PTPRG: variants seen among roughly 807,000 people sequenced by gnomAD.
The protein encoded by PTPRG is receptor-type tyrosine-protein phosphatase gamma.
A neutral mutation model predicts 165.3 loss-of-function variants in PTPRG; 102 were observed. The observed-to-expected ratio is 0.62, with a 90% confidence interval of 0.53 to 0.73. The LOEUF (loss-of-function observed/expected upper bound fraction) is 0.73. Among genes scored for constraint, PTPRG ranks in the 30% least tolerant of loss-of-function variants. The probability of loss-of-function intolerance (pLI) is 0.00; values close to 1 mark genes in which losing one functional copy is unlikely to be tolerated. For missense variants in PTPRG, 1,866 were observed against 1,861.4 expected (o/e 1.00, Z -0.05); for synonymous variants, 675 against 669.5 (o/e 1.01, Z -0.13).
At chr3:61,738,758 C>G (rs1345732122) in intron 1 of PTPRG, among the ~76,000 whole-genome samples, 1 of 151,196 alleles carries the variant, frequency 6.6e-6, no homozygotes, top group Non-Finnish European at 1.5e-5. Context: ...CAAGTTGTAA[C>G]TTAATGCTTA....
chr3:61,818,371 A>C (rs1474268323), intron 2 of PTPRG, among the ~76,000 whole-genome samples: 1 of 152,224 alleles, frequency 6.6e-6, no homozygotes, highest in African/African-American at 2.4e-5. Context: ...GGATTTGGGA[A>C]AGAAGTAGAA....
At chr3:61,916,387 T>G (rs2038935893) in intron 2 of PTPRG, among the ~76,000 whole-genome samples, 1 of 152,194 alleles carries the variant, frequency 6.6e-6, no homozygotes. Flanking sequence ...AAAATTCTAA[T>G]TTTCGTGTTA....
intron 4 of PTPRG, among the ~76,000 whole-genome samples, chr3:62,071,614 C>T (rs1701213387): frequency 6.6e-6 from 1 of 152,190 alleles, no homozygotes; most frequent in African/African-American, 2.4e-5. Flanking sequence ...TTCCTAAGTG[C>T]AGACTGTATC....
intron 2 of PTPRG, among the ~76,000 whole-genome samples, chr3:61,772,601 G>A (rs945320095): frequency 2.0e-5 from 3 of 151,492 alleles, no homozygotes; most frequent in Non-Finnish European, 4.4e-5. Flanking sequence ...TTTGCCTTTG[G>A]TGACATCATT....
In PTPRG at chr3:61,732,301, G is replaced by A. The variant is rs531758341; in HGVS notation, c.86-16577G>A. Reference sequence around the variant, plus strand: ...TTTGAAATCCTGTATTAGCAGGCCGGGCGCAGTGGCTCATGCCTGTAATCC... The same window carrying A: ...TTTGAAATCCTGTATTAGCAGGCCGAGCGCAGTGGCTCATGCCTGTAATCC... On this transcript the variant is annotated intron_variant, in intron 1 of 29. Transcript: ENST00000474889. Among the ~76,000 whole-genome samples, 7 of 152,212 alleles carry A rather than the reference G, an allele frequency of 4.6e-5. No homozygotes were observed. In the South Asian group the frequency reaches 6.2e-4, roughly 14 times the overall value.
chr3:61,751,130 G>C (rs1239309177), intron 2 of PTPRG: 2 of 152,204 alleles, frequency 1.3e-5, no homozygotes, highest in Non-Finnish European at 2.9e-5. Context: ...TCTATGGTTG[G>C]CTCATGCTGA....
chr3:61,940,539 GCT>G (rs1466142351), intron 2 of PTPRG, among the ~76,000 whole-genome samples: 1 of 151,982 alleles, frequency 6.6e-6, no homozygotes, highest in Non-Finnish European at 1.5e-5. Flanking sequence ...TTTGGCATGT[GCT>G]CTGTGTGTCT....
intron 5 of PTPRG, among the ~76,000 whole-genome samples, chr3:62,087,189 C>A (rs894209951): frequency 6.6e-6 from 1 of 152,138 alleles, no homozygotes; most frequent in Non-Finnish European, 1.5e-5. Context: ...CAGGCCTGAC[C>A]CTCTGAAAGG....
intron 1 of PTPRG, among the ~76,000 whole-genome samples, chr3:61,685,382 TAGGGATCTGACTACCTC>T (rs980105060): frequency 1.3e-5 from 2 of 152,180 alleles, no homozygotes; most frequent in African/African-American, 4.8e-5. Context: ...ATGGTCCCAA[TAGGGATCTGACTACCTC>T]AGGGATGCAG....
chr3:61,729,331 A>G (rs536395737), intron 1 of PTPRG, among the ~76,000 whole-genome samples: 10 of 152,278 alleles, frequency 6.6e-5, no homozygotes, highest in African/African-American at 2.4e-4. Flanking sequence ...GTAAAGTCTG[A>G]TTGTCCTGTG....
intron 2 of PTPRG, among the ~76,000 whole-genome samples, chr3:61,919,678 C>T (rs528065581): frequency 6.6e-6 from 1 of 152,208 alleles, no homozygotes; most frequent in South Asian, 2.1e-4. Flanking sequence ...GGAGGGTTTT[C>T]TGTTTCATGT....
At chr3:61,943,786 C>T (rs888347922) in intron 2 of PTPRG, among the ~76,000 whole-genome samples, 1 of 152,102 alleles carries the variant, frequency 6.6e-6, no homozygotes, top group East Asian at 1.9e-4. Context: ...TTTGAAAAAG[C>T]ATGAATGAAA....
rs71123255 is a variant in PTPRG, at chr3:62,192,393, CTTTTTTTTTTTTTTTTTT to C, written c.1218+756_1218+773del. ...ATAAAGCAAACTCCACAACTACTGT[CTTTTTTTTTTTTTTTTTT>C]TTTTTTTTTTTTTTTGAGACAGAGT... is the stretch of plus-strand genomic sequence containing the variant. On this transcript the variant is annotated intron_variant, in intron 9 of 29. Transcript: ENST00000474889. 4.4e-4 allele frequency among the ~76,000 whole-genome samples: 23 copies of C among 52,628 alleles called. No homozygotes were observed. The Admixed American group carries it at 4.9e-3, about 11-fold the overall frequency. 34.5% of individuals were successfully genotyped at this position (52,628 alleles called of 152,430 possible).
chr3:61,672,218 C>T (rs1462324081), intron 1 of PTPRG, among the ~76,000 whole-genome samples: 5 of 130,978 alleles, frequency 3.8e-5, no homozygotes, highest in African/African-American at 1.2e-4. Context: ...CGGGCAGAGA[C>T]GCTCCTCACT....
At chr3:62,136,917 C>T (rs1703730262) in intron 6 of PTPRG, among the ~76,000 whole-genome samples, 1 of 152,168 alleles carries the variant, frequency 6.6e-6, no homozygotes, top group African/African-American at 2.4e-5. Context: ...AACATTGCTT[C>T]TCTATTGCTT....
chr3:61,857,200 A>G (rs1372046989), intron 2 of PTPRG, among the ~76,000 whole-genome samples: 1 of 152,136 alleles, frequency 6.6e-6, no homozygotes, highest in African/African-American at 2.4e-5. Flanking sequence ...TAAAATCTTT[A>G]GAATTAAAAA....
intron 1 of PTPRG, among the ~76,000 whole-genome samples, chr3:61,714,818 G>C (rs1021153690): frequency 6.6e-6 from 1 of 152,226 alleles, no homozygotes; most frequent in Non-Finnish European, 1.5e-5. Flanking sequence ...TAATGGTAGA[G>C]AGAAGTTACA....
intron 1 of PTPRG, chr3:61,659,359 C>T (rs1702598026): frequency 7.1e-6 from 7 of 984,872 alleles, no homozygotes; most frequent in Non-Finnish European, 7.2e-6. Flanking sequence ...TTTTCGGGAG[C>T]TCTTGACTGA....
intron 8 of PTPRG, among the ~76,000 whole-genome samples, chr3:62,182,061 A>C (rs1474170203): frequency 6.6e-6 from 1 of 152,220 alleles, no homozygotes; most frequent in East Asian, 1.9e-4. Context: ...GAGGAAAGAA[A>C]ATGTTATTTT....
Sources: allele counts gnomAD v4.1 joint callset (sites outside exome capture counted in the v4.1 genomes callset), GRCh38; gene constraint gnomAD v4.1.1; transcripts MANE v1.5; gene names NCBI Gene and HGNC (gene_info 2026-07-23, HGNC 2026-07-21).